Variants in LHFPL6 observed in about 807,000 individuals in gnomAD.
LHFPL6 encodes LHFPL tetraspan subfamily member 6 protein.
Under a neutral mutation model 20.6 loss-of-function variants are expected in LHFPL6, and 9 were observed. The ratio of observed to expected loss-of-function variants is 0.44; its 90% confidence interval spans 0.26 to 0.76. The LOEUF is 0.76. LHFPL6 is among the 30% of genes least tolerant of loss of function. LHFPL6 has a pLI of 0.20. For missense variants in LHFPL6, 218 were observed against 253.5 expected, an observed-to-expected ratio of 0.86 and a Z score of 0.95; for synonymous variants, 105 against 98.7, an observed-to-expected ratio of 1.06 and a Z score of -0.38.
chr13:39,534,430 G>A (rs1870557609), intron 2 of LHFPL6, among the ~76,000 whole-genome samples: 1 of 152,144 alleles, frequency 6.6e-6, no homozygotes, highest in East Asian at 1.9e-4. Flanking sequence ...ACTAACAACG[G>A]AAACTAGAAG....
intron 2 of LHFPL6, among the ~76,000 whole-genome samples, chr13:39,500,585 G>A (rs369836971): frequency 2.6e-5 from 4 of 152,048 alleles, no homozygotes; most frequent in Middle Eastern, 3.4e-3. Context: ...TACTTCCATC[G>A]GCACTAGCTC....
chr13:39,410,567 C>G (rs1871221443), intron 2 of LHFPL6, among the ~76,000 whole-genome samples: 2 of 152,086 alleles, frequency 1.3e-5, no homozygotes, highest in South Asian at 2.1e-4. Flanking sequence ...CCAACAATGA[C>G]AAAACCAACA....
intron 2 of LHFPL6, among the ~76,000 whole-genome samples, chr13:39,456,632 C>T (rs546940592): frequency 6.6e-6 from 1 of 152,168 alleles, no homozygotes; most frequent in East Asian, 1.9e-4. Context: ...TAGACTTTTC[C>T]ACAAATGGTG....
intron 2 of LHFPL6, among the ~76,000 whole-genome samples, chr13:39,395,318 T>G (rs994346964): frequency 1.3e-5 from 2 of 152,196 alleles, no homozygotes; most frequent in African/African-American, 4.8e-5. Context: ...AGTATTACAG[T>G]CAGGCAGGCT....
rs113000898 is a variant in LHFPL6, at chr13:39,601,810, A to G, written c.-174-420T>C. ...GCTCATAGTTTGTTGCAACTTTTCT[A>G]TGTCCCTTTAAGGGTGCATTAACTC... On this transcript the variant is annotated intron_variant, in intron 1 of 3. Coordinates refer to ENST00000379589, the MANE Select transcript of LHFPL6 (RefSeq NM_005780.3). Among the ~76,000 whole-genome samples, 568 of 152,274 alleles carry G rather than the reference A, an allele frequency of 3.7e-3. 2 individuals are homozygous for G. Among genetic ancestry groups the G allele is most frequent in the South Asian group, 0.013 (64 of 4,820 alleles).
chr13:39,403,171 T>C (rs902799805), intron 2 of LHFPL6, among the ~76,000 whole-genome samples: 1 of 152,058 alleles, frequency 6.6e-6, no homozygotes, highest in Admixed American at 6.5e-5. Flanking sequence ...GTGTGAGGTA[T>C]GGGAGAAGCA....
chr13:39,389,884 C>T (rs1381575627), intron 2 of LHFPL6, among the ~76,000 whole-genome samples: 1 of 152,176 alleles, frequency 6.6e-6, no homozygotes, highest in Admixed American at 6.5e-5. Context: ...TCTACTTCAG[C>T]TTCTCTCCTG....
chr13:39,350,812 A>T (rs754107593), intron 3 of LHFPL6, among the ~76,000 whole-genome samples: 1 of 152,248 alleles, frequency 6.6e-6, no homozygotes, highest in Non-Finnish European at 1.5e-5. Flanking sequence ...AAGTCGACAG[A>T]AAAAGACTGT....
chr13:39,549,251 A>T (rs1240736067), intron 2 of LHFPL6, among the ~76,000 whole-genome samples: 5 of 152,174 alleles, frequency 3.3e-5, no homozygotes, highest in Non-Finnish European at 7.3e-5. Flanking sequence ...TGGTGAAAGG[A>T]CAGTTTTTAC....
chr13:39,479,969 C>T (rs777079361), intron 2 of LHFPL6, among the ~76,000 whole-genome samples: 10 of 152,146 alleles, frequency 6.6e-5, no homozygotes, highest in Admixed American at 1.3e-4. Flanking sequence ...TTTCATAGCG[C>T]GACTTCTTTT....
intron 2 of LHFPL6, among the ~76,000 whole-genome samples, chr13:39,535,371 C>T (rs1324307027): frequency 6.6e-6 from 1 of 152,216 alleles, no homozygotes; most frequent in African/African-American, 2.4e-5. Flanking sequence ...CTCAACACAG[C>T]AGAGTGGCTG....
intron 2 of LHFPL6, among the ~76,000 whole-genome samples, chr13:39,469,316 C>T (rs1189412791): frequency 6.6e-6 from 1 of 152,196 alleles, no homozygotes; most frequent in East Asian, 1.9e-4. Context: ...AGCTCTATCT[C>T]CGCCCTCTCC....
At chr13:39,359,502 C>G (rs921564860) in intron 3 of LHFPL6, among the ~76,000 whole-genome samples, 1 of 152,096 alleles carries the variant, frequency 6.6e-6, no homozygotes, top group Non-Finnish European at 1.5e-5. Context: ...AACATAAAGG[C>G]CGTTTTCCTA....
At chr13:39,423,109 A>T (rs1165100780) in intron 2 of LHFPL6, among the ~76,000 whole-genome samples, 1 of 152,156 alleles carries the variant, frequency 6.6e-6, no homozygotes, top group African/African-American at 2.4e-5. Flanking sequence ...TCAAGATGAG[A>T]TTGGGGTGGG....
At chr13:39,350,652 T>C (rs1869537151) in intron 3 of LHFPL6, among the ~76,000 whole-genome samples, 1 of 152,236 alleles carries the variant, frequency 6.6e-6, no homozygotes, top group Non-Finnish European at 1.5e-5. Flanking sequence ...CTGTTTAAAC[T>C]TTCCCTTTTG....
At chr13:39,557,341 TAGGCCTATGGAATGCAAGAGCGAAG>T (rs1393536346) in intron 2 of LHFPL6, among the ~76,000 whole-genome samples, 1 of 152,222 alleles carries the variant, frequency 6.6e-6, no homozygotes, top group Non-Finnish European at 1.5e-5. Context: ...GTTAAGCCTG[TAGGCCTATGGAATGCAAGAGCGAAG>T]GGGGCTTGGT....
chr13:39,411,978 T>C (rs1013121906), intron 2 of LHFPL6, among the ~76,000 whole-genome samples: 1 of 152,236 alleles, frequency 6.6e-6, no homozygotes, highest in Non-Finnish European at 1.5e-5. Flanking sequence ...CTCTTTCACT[T>C]CTGTGGGACA....
chr13:39,374,463 C>T (rs1206261981), intron 3 of LHFPL6, among the ~76,000 whole-genome samples: 1 of 151,990 alleles, frequency 6.6e-6, no homozygotes, highest in Admixed American at 6.6e-5. Context: ...ATCAATCATA[C>T]CCCAAATCTC....
intron 2 of LHFPL6, among the ~76,000 whole-genome samples, chr13:39,382,601 G>T (rs1870472916): frequency 6.6e-6 from 1 of 152,008 alleles, no homozygotes; most frequent in Admixed American, 6.6e-5. Flanking sequence ...TGTTGGTCAG[G>T]TTGGTCTTGA....
Sources: gnomAD v4.1 joint callset for allele counts (sites outside exome capture counted in the v4.1 genomes callset) on GRCh38, gnomAD v4.1.1 for gene constraint, MANE v1.5 for transcripts, NCBI Gene and HGNC (gene_info 2026-07-23, HGNC 2026-07-21) for gene names.